The following CAMSAP1 variants were observed in gnomAD, a reference collection of about 807,000 sequenced individuals.
CAMSAP1 encodes calmodulin-regulated spectrin-associated protein 1.
A neutral mutation model predicts 143.5 loss-of-function variants in CAMSAP1; 58 were observed. The observed-to-expected ratio is 0.40, with a 90% CI of 0.33 to 0.50. CAMSAP1 has a LOEUF of 0.50. Ranked by LOEUF, CAMSAP1 falls within the 20% of genes least tolerant of loss-of-function variation. The pLI is 0.45. For synonymous variants in CAMSAP1, 945 were observed against 859.3 expected (o/e 1.10, Z -1.74); for missense variants, 1,969 against 2,115.7 (o/e 0.93, Z 1.36).
At chr9:135,840,430 C>T (rs1836298355) in intron 7 of CAMSAP1, among the ~76,000 whole-genome samples, 1 of 152,204 alleles carries the variant, frequency 6.6e-6, no homozygotes, top group Admixed American at 6.5e-5. Context: ...AAGGGGGCTC[C>T]AGCCATGACT....
At chr9:135,883,225 T>C (rs1470205573) in intron 1 of CAMSAP1, 147 bp from the exon 2 acceptor site, 7 of 835,296 alleles carry the variant, frequency 8.4e-6, no homozygotes, top group East Asian at 8.0e-5. Flanking sequence ...AATTGATTGA[T>C]TGATTAAATG....
chr9:135,862,596 G>T lies in CAMSAP1; in HGVS notation c.679C>A (p.Arg227=), dbSNP rs1296361716. 10 of 1,551,658 alleles carry T rather than the reference G, an allele frequency of 6.4e-6. No homozygotes were observed. The highest frequency in any genetic ancestry group is 8.7e-6 in the Non-Finnish European group (10 of 1,147,010). Residue 227 remains arginine (R), a synonymous_variant, in exon 5 of 17, where the codon CGA becomes AGA. Coordinates refer to ENST00000389532, the MANE Select transcript of CAMSAP1 (RefSeq NM_015447.4). Reference sequence around the variant, plus strand: ...GACTGCCTAGCAGAAAGGTGCTCTCGTCGATAGCGGACCTGTAGTTGATAA... The same window carrying T: ...GACTGCCTAGCAGAAAGGTGCTCTCTTCGATAGCGGACCTGTAGTTGATAA... ...SPAHQKVRYR[R]EHLSARQSPY... is the part of the protein sequence containing the mutation.
chr9:135,833,105 G>A (rs1210335687), intron 7 of CAMSAP1, among the ~76,000 whole-genome samples: 56 of 144,864 alleles, frequency 3.9e-4, no homozygotes, highest in African/African-American at 1.3e-3. Context: ...TTTTTGAGAC[G>A]GAGTCTCGCT....
intron 10 of CAMSAP1, 67 bp from the exon 11 acceptor site, chr9:135,823,327 G>A (rs1030165888): frequency 1.3e-6 from 2 of 1,492,780 alleles, no homozygotes; most frequent in African/African-American, 1.4e-5. Flanking sequence ...CATGGACCAG[G>A]GGGTGAGAAT....
At chr9:135,852,520 G>A (rs934241662) in intron 5 of CAMSAP1, among the ~76,000 whole-genome samples, 1 of 152,180 alleles carries the variant, frequency 6.6e-6, no homozygotes, top group African/African-American at 2.4e-5. Flanking sequence ...CAGGTGGGGT[G>A]AGGTTTTACG....
At chr9:135,812,133 C>T (rs1312180395) in intron 16 of CAMSAP1, among the ~76,000 whole-genome samples, 2 of 152,186 alleles carry the variant, frequency 1.3e-5, no homozygotes, top group African/African-American at 4.8e-5. Context: ...CGCATCCATA[C>T]AAAACACTGC....
At chr9:135,888,482 C>T (rs1324697918) in intron 1 of CAMSAP1, among the ~76,000 whole-genome samples, 1 of 152,128 alleles carries the variant, frequency 6.6e-6, no homozygotes, top group Non-Finnish European at 1.5e-5. Context: ...CCAACTCAGC[C>T]CCAGGAAAAA....
At chr9:135,838,358 T>C (rs1206135335) in intron 7 of CAMSAP1, among the ~76,000 whole-genome samples, 4 of 142,738 alleles carry the variant, frequency 2.8e-5, no homozygotes, top group African/African-American at 7.9e-5. Flanking sequence ...CCACCCGTTC[T>C]ACAGACACAT....
chr9:135,865,809 G>A (rs1837357366), intron 4 of CAMSAP1, among the ~76,000 whole-genome samples: 1 of 152,216 alleles, frequency 6.6e-6, no homozygotes, highest in Non-Finnish European at 1.5e-5. Flanking sequence ...CCAGGGGCTG[G>A]TGCCACTGGA....
At chr9:135,851,161 G>A (rs1402537889) in intron 5 of CAMSAP1, among the ~76,000 whole-genome samples, 2 of 152,208 alleles carry the variant, frequency 1.3e-5, no homozygotes, top group Admixed American at 1.3e-4. Flanking sequence ...CAGACAAAGA[G>A]CCCTGCGGAG....
chr9:135,836,155 T>C, intron 7 of CAMSAP1: 4 of 985,422 alleles, frequency 4.1e-6, no homozygotes, highest in Non-Finnish European at 4.8e-6. Context: ...GAGAAGCCCA[T>C]GTGCATCTAC....
chr9:135,839,930 G>A (rs887147045), intron 7 of CAMSAP1, among the ~76,000 whole-genome samples: 1 of 152,174 alleles, frequency 6.6e-6, no homozygotes, highest in African/African-American at 2.4e-5. Flanking sequence ...GCCACTCTCA[G>A]GCCAGGACAA....
Position 135,824,880 on chromosome 9 carries a change from G to A in CAMSAP1, c.1224C>T (p.Leu408=), listed in dbSNP as rs150218320. The A allele has an allele frequency of 7.5e-4, 1,189 of 1,580,362 alleles. 1 individual carries two copies. The highest frequency in any genetic ancestry group is 8.8e-4 in the Non-Finnish European group (1,027 of 1,163,100). ...GGCTGAAGGCAGCAGTTCCTTTCCC[G>A]CTAAATGGAAAAAGAATTACAGGGA... is the stretch of plus-strand genomic sequence containing the variant. ...HYLHPEEPEY[L]GKGTAAFSPS... The change falls in exon 9 of 17, where the codon CTC becomes CTT. Residue 408 remains leucine (L), a splice_region_variant and synonymous_variant. Coordinates refer to ENST00000389532, the MANE Select transcript of CAMSAP1 (RefSeq NM_015447.4). The surrounding 1 kb of genome is among the most constrained non-coding windows in gnomAD (Gnocchi z 4.1).
intron 1 of CAMSAP1, among the ~76,000 whole-genome samples, chr9:135,900,899 C>T (rs1161214780): frequency 1.3e-5 from 2 of 151,894 alleles, no homozygotes; most frequent in Non-Finnish European, 2.9e-5. Flanking sequence ...GGATTACAGG[C>T]GCATGCCACC....
chr9:135,855,659 T>C (rs570014428), intron 5 of CAMSAP1, among the ~76,000 whole-genome samples: 1 of 150,866 alleles, frequency 6.6e-6, no homozygotes, highest in African/African-American at 2.4e-5. Context: ...AAGAATTGCT[T>C]GAATCCAGGT....
intron 1 of CAMSAP1, among the ~76,000 whole-genome samples, chr9:135,902,707 C>T (rs1838653384): frequency 6.6e-6 from 1 of 152,222 alleles, no homozygotes; most frequent in African/African-American, 2.4e-5. Flanking sequence ...CATCCTCACA[C>T]TGATTTCTTA....
rs755954190 is a variant in CAMSAP1, at chr9:135,819,110, G to A, written c.3859C>T (p.Arg1287Trp). 5 of 1,601,088 alleles carry A rather than the reference G, an allele frequency of 3.1e-6. No individual in the cohort carries two copies. Among genetic ancestry groups the A allele is most frequent in the African/African-American group, 2.7e-5 (2 of 74,584 alleles). The change falls in exon 12 of 17, where the codon CGG (arginine) becomes TGG (tryptophan). Residue 1287 changes from arginine to tryptophan, a missense_variant. Transcript: ENST00000389532. ...TGCTGCTTCAGGAGGAAGGCCGCCC[G>A]CTTCTTGGCGAGCTCATCTTCCGCT... is the stretch of plus-strand genomic sequence containing the variant. Reference protein sequence around the residue: ...QKAEDELAKKRAAFLLKQQRK... With the variant: ...QKAEDELAKKWAAFLLKQQRK...
At chr9:135,827,858 C>T (rs1197908854) in intron 7 of CAMSAP1, among the ~76,000 whole-genome samples, 4 of 152,236 alleles carry the variant, frequency 2.6e-5, no homozygotes, top group Admixed American at 6.5e-5. Flanking sequence ...TCTTGGTCAC[C>T]GTCTAGCACC....
rs373219360 is a variant in CAMSAP1 at position 135,818,383 on chromosome 9, C to A, written c.4168+25G>T. The A allele has an allele frequency of 2.6e-3, 4,048 of 1,539,338 alleles. 7 individuals carry two copies. Among genetic ancestry groups the A allele is most frequent in the Middle Eastern group, 4.1e-3 (19 of 4,630 alleles). ...CGCCGCCCGCGGAAGGAAGCGCTGC[C>A]CGCGTGAGGGCCGGGGCTGCTTACG... On this transcript the variant is annotated intron_variant, in intron 13 of 16. Coordinates refer to ENST00000389532, the MANE Select transcript of CAMSAP1 (RefSeq NM_015447.4). This position sits in a 1 kb window ranked among gnomAD's most constrained non-coding sequence, Gnocchi z 7.7.
Sources: allele counts gnomAD v4.1 joint callset (sites outside exome capture counted in the v4.1 genomes callset), GRCh38; gene constraint gnomAD v4.1.1; non-coding constraint Gnocchi (gnomAD v3.1); transcripts MANE v1.5; gene names NCBI Gene and HGNC (gene_info 2026-07-23, HGNC 2026-07-21).